The following ODAD2 variants were observed in gnomAD, a reference collection of about 807,000 sequenced individuals.
The protein encoded by ODAD2 is outer dynein arm docking complex subunit 2.
A neutral mutation model predicts 106.8 loss-of-function variants in ODAD2; 89 were observed. The ratio of observed to expected loss-of-function variants is 0.83; its 90% CI spans 0.70 to 0.99. The LOEUF is 0.99. ODAD2 is among the 50% of genes least tolerant of loss of function. ODAD2 has a pLI of 0.00. For missense variants in ODAD2, 1,168 were observed against 1,238.5 expected, an observed-to-expected ratio of 0.94 and a Z score of 0.85; for synonymous variants, 404 against 436.2, an observed-to-expected ratio of 0.93 and a Z score of 0.92.
At chr10:27,948,594 A>G (rs1847102408) in intron 10 of ODAD2, among the ~76,000 whole-genome samples, 1 of 152,102 alleles carries the variant, frequency 6.6e-6, no homozygotes, top group African/African-American at 2.4e-5. Flanking sequence ...TTTATCACGC[A>G]TTTGCATTTC....
chr10:27,872,841 G>T (rs566226243), intron 17 of ODAD2, among the ~76,000 whole-genome samples: 1 of 152,126 alleles, frequency 6.6e-6, no homozygotes, highest in Non-Finnish European at 1.5e-5. Flanking sequence ...TCTCTGCCAG[G>T]CTTTGGTATC....
intron 10 of ODAD2, chr10:27,959,115 C>G: frequency 1.3e-6 from 1 of 752,196 alleles, no homozygotes; most frequent in Non-Finnish European, 1.8e-6. Context: ...TGTAGGAAGA[C>G]TGCTTGAGGC....
At chr10:27,858,886 C>T (rs1449359027) in intron 19 of ODAD2, among the ~76,000 whole-genome samples, 1 of 149,316 alleles carries the variant, frequency 6.7e-6, no homozygotes, top group East Asian at 2.0e-4. Flanking sequence ...TCACTGCAAC[C>T]TCCACCTCCC....
At chr10:27,848,830 T>C (rs1021332007) in intron 19 of ODAD2, among the ~76,000 whole-genome samples, 2 of 152,040 alleles carry the variant, frequency 1.3e-5, no homozygotes, top group Non-Finnish European at 2.9e-5. Flanking sequence ...ATCAGAGAAA[T>C]GCAAATCAAA....
At position 27,900,915 on chromosome 10, in the gene ODAD2, C is replaced by T. The variant is rs962795055; in HGVS notation, c.2610+6748G>A. On this transcript the variant is annotated intron_variant, in intron 17 of 19. Coordinates refer to ENST00000305242, the MANE Select transcript of ODAD2 (RefSeq NM_018076.5). ...GCAGGATATTATCCAGCAGAACTTC[C>T]CCAACCTAGCAAGACAGGCCAACAT... Among the ~76,000 whole-genome samples, 8 of 152,234 alleles carry T rather than the reference C, an allele frequency of 5.3e-5. No homozygotes were observed. In the East Asian group the frequency reaches 1.5e-3, roughly 29 times the overall value.
intron 17 of ODAD2, among the ~76,000 whole-genome samples, chr10:27,864,795 T>C (rs1225659733): frequency 2.0e-5 from 3 of 152,124 alleles, no homozygotes; most frequent in Admixed American, 6.5e-5. Context: ...TCTCAAATAA[T>C]AATAATTCAC....
At chr10:27,841,958 T>A (rs565432076) in intron 19 of ODAD2, among the ~76,000 whole-genome samples, 1 of 152,270 alleles carries the variant, frequency 6.6e-6, no homozygotes, top group African/African-American at 2.4e-5. Flanking sequence ...GGTCTCCCTA[T>A]GTTGCCCAGG....
At chr10:27,993,434 G>A (rs1022281640) in intron 2 of ODAD2, among the ~76,000 whole-genome samples, 1 of 152,090 alleles carries the variant, frequency 6.6e-6, no homozygotes, top group African/African-American at 2.4e-5. Flanking sequence ...CGGGTTGCCT[G>A]AGCTCAGGAG....
At chr10:27,865,507 T>G (rs1188187793) in intron 17 of ODAD2, among the ~76,000 whole-genome samples, 2 of 152,190 alleles carry the variant, frequency 1.3e-5, no homozygotes, top group African/African-American at 4.8e-5. Context: ...ACCTCAAGTC[T>G]GGGTTAAGTG....
chr10:27,902,848 C>T (rs1327124590), intron 17 of ODAD2, among the ~76,000 whole-genome samples: 1 of 152,158 alleles, frequency 6.6e-6, no homozygotes, highest in Non-Finnish European at 1.5e-5. Flanking sequence ...GATGGACTCA[C>T]AGCAGAATTC....
chr10:27,977,865 G>A (rs575270280), intron 7 of ODAD2, among the ~76,000 whole-genome samples: 1 of 152,298 alleles, frequency 6.6e-6, no homozygotes, highest in Non-Finnish European at 1.5e-5. Flanking sequence ...GTAGTTAAAA[G>A]ACTGACCATA....
chr10:27,852,915 C>T lies in ODAD2; in HGVS notation c.3021+7710G>A, dbSNP rs1398171790. ...GGTGGAAGTTGCAGTGAGCTGAGAT[C>T]GCGCCGTTGCACTCCAGCCTGGGTG... On this transcript the variant is annotated intron_variant, in intron 19 of 19. Transcript: ENST00000305242. 5.7e-5 allele frequency among the ~76,000 whole-genome samples: 8 copies of T among 139,784 alleles called. No homozygotes were observed. In the South Asian group the frequency reaches 1.6e-3, roughly 28 times the overall value. 91.7% of individuals were successfully genotyped at this position (139,784 alleles called of 152,430 possible). A position where few individuals can be genotyped will look rare whatever the true frequency, so the allele number is the denominator to read the frequency against.
intron 17 of ODAD2, among the ~76,000 whole-genome samples, chr10:27,898,229 T>C (rs937012247): frequency 6.6e-6 from 1 of 152,164 alleles, no homozygotes; most frequent in African/African-American, 2.4e-5. Context: ...GAAAGGACTT[T>C]AGTTATTATT....
intron 19 of ODAD2, among the ~76,000 whole-genome samples, chr10:27,844,724 A>G (rs1389720085): frequency 6.6e-6 from 1 of 152,254 alleles, no homozygotes; most frequent in Admixed American, 6.5e-5. Context: ...TGTCTGGCAC[A>G]CAGGAAGCTG....
chr10:27,997,560 T>C (rs938606226), intron 1 of ODAD2: 1 of 152,148 alleles, frequency 6.6e-6, no homozygotes, highest in Non-Finnish European at 1.5e-5. Flanking sequence ...TTCGTCAAGA[T>C]AAATTTTGAC....
chr10:27,981,508 TA>T lies in ODAD2; in HGVS notation c.893del (p.Leu298Ter). ...CTGAAAATTTTGGTGATTTTTCTCT[TA>T]AAAATGTGACAAGGTTTTTATAAAT... ...GSIYKNLVTF[L>X]REKSPKFSEN... On this transcript the variant is annotated frameshift_variant, in exon 7 of 20. Coordinates refer to ENST00000305242, the MANE Select transcript of ODAD2 (RefSeq NM_018076.5). LOFTEE classifies it high-confidence loss of function. The T allele has an allele frequency of 6.5e-7, 1 of 1,533,476 alleles. No homozygotes were observed. The highest frequency in any genetic ancestry group is 2.5e-5 in the East Asian group (1 of 39,818). 95.0% of individuals were successfully genotyped at this position (1,533,476 alleles called of 1,614,324 possible). A position where few individuals can be genotyped will look rare whatever the true frequency, so the allele number is the denominator to read the frequency against.
chr10:27,997,768 A>T (rs1274206961), intron 1 of ODAD2, among the ~76,000 whole-genome samples: 2 of 152,238 alleles, frequency 1.3e-5, no homozygotes, highest in African/African-American at 4.8e-5. Flanking sequence ...GCATAACTCA[A>T]AACTAAGATT....
intron 17 of ODAD2, among the ~76,000 whole-genome samples, chr10:27,878,988 A>C (rs1841532450): frequency 6.6e-6 from 1 of 152,206 alleles, no homozygotes; most frequent in South Asian, 2.1e-4. Context: ...GCTTGGGTAA[A>C]AGAAATGATA....
chr10:27,908,250 C>A (rs1461192807), intron 16 of ODAD2, among the ~76,000 whole-genome samples: 3 of 152,144 alleles, frequency 2.0e-5, no homozygotes, highest in Non-Finnish European at 4.4e-5. Flanking sequence ...GAATTAAAAT[C>A]ATTACACCAC....
Sources: gnomAD v4.1 joint callset for allele counts (sites outside exome capture counted in the v4.1 genomes callset) on GRCh38, gnomAD v4.1.1 for gene constraint, MANE v1.5 for transcripts, NCBI Gene and HGNC (gene_info 2026-07-23, HGNC 2026-07-21) for gene names.